Variants in TCOF1 observed in about 807,000 individuals in gnomAD.
TCOF1 encodes the protein treacle protein.
TCOF1 carries 33 observed loss-of-function variants against 149.0 expected under a neutral mutation model. The observed-to-expected ratio is 0.22, with a 90% CI of 0.17 to 0.30. The LOEUF (loss-of-function observed/expected upper bound fraction) is 0.30, where lower values mean the gene tolerates loss of function less well. TCOF1 is among the 10% of genes least tolerant of loss of function. The pLI is 1.00. For missense variants in TCOF1, 1,728 were observed against 1,840.7 expected, an observed-to-expected ratio of 0.94 and a Z score of 1.12; for synonymous variants, 789 against 738.8, an observed-to-expected ratio of 1.07 and a Z score of -1.10.
chr5:150,369,440 A>G (rs1762053253), intron 5 of TCOF1, 89 bp from the exon 6 acceptor site: 5 of 1,498,484 alleles, frequency 3.3e-6, no homozygotes. Context: ...CCTGGCTTTG[A>G]TGAGCAGCTG....
chr5:150,370,088 A>G (rs1387894456), intron 6 of TCOF1, among the ~76,000 whole-genome samples: 1 of 152,158 alleles, frequency 6.6e-6, no homozygotes, highest in African/African-American at 2.4e-5. Flanking sequence ...GGGTTTGTGA[A>G]CTTTGACCTG....
chr5:150,361,139 T>A lies in TCOF1; in HGVS notation c.109-17T>A. The A allele has an allele frequency of 6.2e-7, 1 of 1,614,146 alleles. No individual in the cohort carries two copies. Among genetic ancestry groups the A allele is most frequent in the Non-Finnish European group, 8.5e-7 (1 of 1,180,010 alleles). Reference sequence around the variant, plus strand: ...GTGCTGGGGATTAATTGTGGCTTTCTCTTTACCTCTCTGCAGAAGTGTTTC... The same window carrying A: ...GTGCTGGGGATTAATTGTGGCTTTCACTTTACCTCTCTGCAGAAGTGTTTC... On this transcript the variant is annotated splice_polypyrimidine_tract_variant and intron_variant, in intron 1 of 26. Transcript: ENST00000643257.
At chr5:150,368,104 A>G in intron 4 of TCOF1, 187 bp downstream of exon 4, 5 of 615,430 alleles carry the variant, frequency 8.1e-6, no homozygotes, top group South Asian at 7.8e-5. Flanking sequence ...ACTTTTCTAT[A>G]AAGATAAGGA....
chr5:150,371,960 A>G, intron 6 of TCOF1, 46 bp from the exon 7 acceptor site: 1 of 1,557,408 alleles, frequency 6.4e-7, no homozygotes, highest in Non-Finnish European at 8.8e-7. Context: ...CCTTAGGGGG[A>G]AACAGTAATT....
At chr5:150,391,816 C>G in intron 20 of TCOF1, 141 bp from the exon 21 acceptor site, 1 of 1,166,934 alleles carries the variant, frequency 8.6e-7, no homozygotes, top group Non-Finnish European at 1.3e-6. Flanking sequence ...ATTACAGTAC[C>G]TTTCGTAGTT....
rs769895138 is a variant in TCOF1 at position 150,375,417 on chromosome 5, C to G, written c.1567C>G (p.Pro523Ala). 1.1e-5 allele frequency: 18 copies of G among 1,613,332 alleles called. No homozygotes were observed. The African/African-American group carries it at 2.1e-4, about 19-fold the overall frequency. ...GGGGCCCTTGGGGAAAGGCGCCGGC[C>G]CAGTGCCACCCGGGAAGGTGGGGCC... ...GMGPLGKGAG[P>A]VPPGKVGPAT... is the part of the protein sequence containing the mutation. The change falls in exon 11 of 27, where the codon CCA (proline) becomes GCA (alanine). Residue 523 changes from proline (P) to alanine (A), a missense_variant. Around this residue, in one of 2 missense-constraint regions of TCOF1, gnomAD observed 1,696 missense variants for 1,765.4 expected, o/e 0.96. Transcript: ENST00000643257.
chr5:150,381,048 A>T (rs1765056033), intron 17 of TCOF1, among the ~76,000 whole-genome samples: 1 of 151,924 alleles, frequency 6.6e-6, no homozygotes, highest in Non-Finnish European at 1.5e-5. Flanking sequence ...ATGTCAGGAG[A>T]GATGGTAGAT....
At chr5:150,385,361 G>T (rs2150945945) in intron 17 of TCOF1, among the ~76,000 whole-genome samples, 1 of 152,296 alleles carries the variant, frequency 6.6e-6, no homozygotes, top group South Asian at 2.1e-4. Context: ...TCTAATCCTG[G>T]CTCTGGCACC....
rs3208538 is a variant in TCOF1 at position 150,398,433 on chromosome 5, G to A, written c.4425G>A (p.Gln1475=). The A allele has an allele frequency of 3.7e-6, 6 of 1,614,100 alleles. No individual in the cohort carries two copies. In the South Asian group the frequency reaches 6.6e-5, roughly 18 times the overall value. ...CCAAAGATTCTGAGTCACCGTCCCAGAAGAAAAAGAAGAAAAAGGTAGAGA... is the reference window on the plus strand; with the variant it reads ...CCAAAGATTCTGAGTCACCGTCCCAAAAGAAAAAGAAGAAAAAGGTAGAGA... ...ASTKDSESPS[Q]KKKKKKKKTA... The change falls in exon 25 of 27, where the codon CAG becomes CAA. Residue 1475 remains glutamine (Q), a synonymous_variant. Transcript: ENST00000643257.
At chr5:150,385,151 T>C (rs1766026891) in intron 17 of TCOF1, 7 of 919,104 alleles carry the variant, frequency 7.6e-6, no homozygotes, top group Non-Finnish European at 9.1e-6. Context: ...ACCACAAATA[T>C]ATGCAGTTTC....
At chr5:150,388,967 A>G (rs895364581) in intron 18 of TCOF1, among the ~76,000 whole-genome samples, 3 of 151,802 alleles carry the variant, frequency 2.0e-5, no homozygotes, top group African/African-American at 7.3e-5. Flanking sequence ...ACTGCTGGGC[A>G]TGGTGGTTCG....
intron 17 of TCOF1, among the ~76,000 whole-genome samples, chr5:150,387,027 G>C (rs185526812): frequency 6.6e-6 from 1 of 152,182 alleles, no homozygotes; most frequent in African/African-American, 2.4e-5. Context: ...GAGCAGGCTC[G>C]TTTCACGCAA....
rs535618404 is a variant in TCOF1 at position 150,397,335 on chromosome 5, C to T, written c.4345+493C>T. On this transcript the variant is annotated intron_variant, in intron 24 of 26. Coordinates refer to ENST00000643257, the MANE Select transcript of TCOF1 (RefSeq NM_001371623.1). ...GTGCAGCAGATCTTGGAGGAACCTG[C>T]TTCTCCAGCCAGCTCCTGGGTGCAG... Among the ~76,000 whole-genome samples, 13 of 152,188 alleles carry T rather than the reference C, an allele frequency of 8.5e-5. No individual in the cohort carries two copies. In the East Asian group the frequency reaches 2.3e-3, roughly 27 times the overall value.
chr5:150,398,484 A>G, intron 25 of TCOF1, 33 bp downstream of exon 25: 1 of 1,613,798 alleles, frequency 6.2e-7, no homozygotes, highest in Non-Finnish European at 8.5e-7. Flanking sequence ...CAGGCCAGAA[A>G]ACAGACCCAA....
chr5:150,374,855 C>T lies in TCOF1; in HGVS notation c.1278+44C>T, dbSNP rs771898843. 207 of 1,607,856 alleles carry T rather than the reference C, an allele frequency of 1.3e-4. 2 individuals carry two copies. Among genetic ancestry groups the T allele is most frequent in the Non-Finnish European group, 2.0e-5 (24 of 1,177,398 alleles). On this transcript the variant is annotated intron_variant, in intron 9 of 26. Transcript: ENST00000643257. ...GTGGAGAGTAGCCCCATGCCTAAAC[C>T]CCAGCACCTGCATGGGTGTGGCCAC...
In TCOF1 at chr5:150,375,041, C is replaced by G. The variant is rs752958740; in HGVS notation, c.1366C>G (p.Pro456Ala). The change falls in exon 10 of 27, where the codon CCT becomes GCT. Residue 456 changes from proline (P) to alanine (A), a missense_variant. Pro to Ala is a conservative substitution (Grantham distance 27). Transcript: ENST00000643257. ...SPRKGAAPAP[P>A]RKTGPAAAQV... ...CAGGAAAGGGGCTGCCCCAGCACCT[C>G]CTAGGAAAACAGGGCCTGCAGCCGC... is the stretch of plus-strand genomic sequence containing the variant. The G allele has an allele frequency of 3.2e-5, 51 of 1,613,996 alleles. 1 individual carries two copies. The South Asian group carries it at 4.9e-4, about 16-fold the overall frequency.
At chr5:150,380,299 A>G (rs1205308377) in intron 17 of TCOF1, 2 of 168,324 alleles carry the variant, frequency 1.2e-5, no homozygotes, top group East Asian at 3.2e-4. Context: ...GGTCTCCACC[A>G]GCTCTATAAG....
In TCOF1 at chr5:150,375,062, G is replaced by A. The variant is rs1419815881; in HGVS notation, c.1387G>A (p.Ala463Thr). The A allele has an allele frequency of 1.2e-6, 2 of 1,614,140 alleles. No homozygotes were observed. The highest frequency in any genetic ancestry group is 1.7e-6 in the Non-Finnish European group (2 of 1,180,026). The stretch of plus-strand genomic sequence containing the variant: ...ACCTCCTAGGAAAACAGGGCCTGCA[G>A]CCGCCCAGGTCCAGGTGGGGAAGCA... ...PAPPRKTGPA[A>T]AQVQVGKQEE... The change falls in exon 10 of 27, where the codon GCC becomes ACC. Residue 463 changes from alanine (A) to threonine (T), a missense_variant. Ala to Thr is a moderately conservative substitution (Grantham distance 58, BLOSUM62 0). This residue lies in a region of TCOF1 where 1,696 missense variants were observed against 1,765.4 expected (regional missense o/e 0.96). Transcript: ENST00000643257.
At chr5:150,397,873 AG>A (rs531555972) in intron 24 of TCOF1, among the ~76,000 whole-genome samples, 69 of 152,230 alleles carry the variant, frequency 4.5e-4, no homozygotes, top group Non-Finnish European at 8.5e-4. Context: ...GCTGGCCTCC[AG>A]GGGGCAGGTG....
Sources: allele counts gnomAD v4.1 joint callset (sites outside exome capture counted in the v4.1 genomes callset), GRCh38; gene constraint gnomAD v4.1.1; regional missense constraint gnomAD v4.1.1; transcripts MANE v1.5; gene names NCBI Gene and HGNC (gene_info 2026-07-23, HGNC 2026-07-21).